The following SCD5 variants were observed in gnomAD, a reference collection of about 807,000 sequenced individuals.
SCD5 encodes stearoyl-CoA desaturase 5.
A neutral mutation model predicts 30.4 loss-of-function variants in SCD5; 20 were observed. The observed-to-expected ratio is 0.66, with a 90% CI of 0.46 to 0.96. The LOEUF (loss-of-function observed/expected upper bound fraction) is 0.96. SCD5 is among the 40% of genes least tolerant of loss of function. The pLI, the probability that SCD5 is intolerant of heterozygous loss-of-function variation, is 0.00. For synonymous variants in SCD5, 173 were observed against 176.4 expected (o/e 0.98, Z 0.16); for missense variants, 381 against 443.3 (o/e 0.86, Z 1.26).
At chr4:82,665,323 A>C (rs1415443878) in intron 3 of SCD5, among the ~76,000 whole-genome samples, 1 of 151,200 alleles carries the variant, frequency 6.6e-6, no homozygotes, top group Non-Finnish European at 1.5e-5. Context: ...AAATTAATGA[A>C]AGACAAAAAG....
At chr4:82,690,516 T>G (rs944522045) in intron 2 of SCD5, among the ~76,000 whole-genome samples, 4 of 152,238 alleles carry the variant, frequency 2.6e-5, no homozygotes, top group Non-Finnish European at 5.9e-5. Context: ...CTACCACCCT[T>G]GTTCAGGCTT....
At chr4:82,701,524 A>G (rs1352570777) in intron 2 of SCD5, among the ~76,000 whole-genome samples, 3 of 152,188 alleles carry the variant, frequency 2.0e-5, no homozygotes, top group African/African-American at 7.2e-5. Flanking sequence ...AAAAAAGACT[A>G]AACTCTATGT....
intron 2 of SCD5, among the ~76,000 whole-genome samples, chr4:82,683,163 C>T (rs762939392): frequency 6.6e-6 from 1 of 152,122 alleles, no homozygotes; most frequent in Non-Finnish European, 1.5e-5. Flanking sequence ...TTATGTATAT[C>T]AAAAATTATA....
At chr4:82,717,916 AAAAAT>A (rs534411583) in intron 1 of SCD5, among the ~76,000 whole-genome samples, 2 of 151,592 alleles carry the variant, frequency 1.3e-5, no homozygotes, top group African/African-American at 4.9e-5. Context: ...ATTCCCTCTC[AAAAAT>A]AAAATAAAAT....
At chr4:82,706,879 C>T (rs1163722008) in intron 1 of SCD5, among the ~76,000 whole-genome samples, 1 of 152,230 alleles carries the variant, frequency 6.6e-6, no homozygotes, top group Non-Finnish European at 1.5e-5. Context: ...CTTAATCTAG[C>T]TTGCACTGGA....
At chr4:82,795,725 G>A (rs577558439) in intron 1 of SCD5, among the ~76,000 whole-genome samples, 7 of 150,216 alleles carry the variant, frequency 4.7e-5, no homozygotes, top group South Asian at 2.1e-4. Context: ...GGGAGGCTGC[G>A]GTGGGAGCAT....
At chr4:82,641,648 T>C (rs1298471251) in intron 3 of SCD5, among the ~76,000 whole-genome samples, 1 of 151,924 alleles carries the variant, frequency 6.6e-6, no homozygotes, top group Non-Finnish European at 1.5e-5. Context: ...CTGGAGCAGA[T>C]GAACAAGAGG....
chr4:82,779,260 A>C (rs1439290680), intron 1 of SCD5, among the ~76,000 whole-genome samples: 1 of 151,946 alleles, frequency 6.6e-6, no homozygotes, highest in Non-Finnish European at 1.5e-5. Flanking sequence ...AGAGAAGCAG[A>C]GGAGGAGGCC....
intron 3 of SCD5, among the ~76,000 whole-genome samples, chr4:82,664,259 T>C (rs1728114266): frequency 6.6e-6 from 1 of 152,198 alleles, no homozygotes; most frequent in African/African-American, 2.4e-5. Context: ...CAGTAAAATC[T>C]AAACTCAGCT....
At chr4:82,654,658 C>T (rs1208156730) in intron 3 of SCD5, among the ~76,000 whole-genome samples, 1 of 152,128 alleles carries the variant, frequency 6.6e-6, no homozygotes, top group African/African-American at 2.4e-5. Flanking sequence ...CCAGCATGCC[C>T]GTGGGCAACA....
At chr4:82,754,229 G>A (rs1364624408) in intron 1 of SCD5, among the ~76,000 whole-genome samples, 5 of 152,152 alleles carry the variant, frequency 3.3e-5, no homozygotes, top group Admixed American at 3.3e-4. Flanking sequence ...AGAGAAAGGA[G>A]AAGGGAGAGA....
At chr4:82,789,286 A>G (rs1004213397) in intron 1 of SCD5, among the ~76,000 whole-genome samples, 4 of 152,200 alleles carry the variant, frequency 2.6e-5, no homozygotes, top group African/African-American at 7.2e-5. Flanking sequence ...GGATCCCGAC[A>G]TGTTCTAAAA....
intron 3 of SCD5, among the ~76,000 whole-genome samples, chr4:82,652,809 G>C (rs536698018): frequency 1.1e-4 from 16 of 152,216 alleles, no homozygotes; most frequent in Admixed American, 9.2e-4. Context: ...CAAAGTAAAT[G>C]TTTTGCCTAA....
chr4:82,720,441 T>TACAAAAAAAAAAAAAA lies in SCD5; in HGVS notation c.233-15029_233-15028insTTTTTTTTTTTTTTGT, dbSNP rs778480466. Among the ~76,000 whole-genome samples the TACAAAAAAAAAAAAAA allele has an allele frequency of 5.7e-3, 443 of 77,530 alleles. 14 individuals are homozygous for TACAAAAAAAAAAAAAA. The highest frequency in any genetic ancestry group is 8.5e-3 in the Middle Eastern group (1 of 118). 50.9% of individuals were successfully genotyped at this position (77,530 alleles called of 152,430 possible). A position where few individuals can be genotyped will look rare whatever the true frequency, so the allele number is the denominator to read the frequency against. Reference sequence around the variant, plus strand: ...GATGCTGTCTCAAAAAAGGCAAAAATAAAAAAAAAAAAAAAAAAAAAAGAC... The same window carrying TACAAAAAAAAAAAAAA: ...GATGCTGTCTCAAAAAAGGCAAAAATACAAAAAAAAAAAAAAAAAAAAAAAAAAAAAAAAAAAAGAC... On this transcript the variant is annotated intron_variant, in intron 1 of 4. Coordinates refer to ENST00000319540, the MANE Select transcript of SCD5 (RefSeq NM_001037582.3).
chr4:82,785,767 C>T (rs544788334), intron 1 of SCD5, among the ~76,000 whole-genome samples: 1 of 152,284 alleles, frequency 6.6e-6, no homozygotes, highest in East Asian at 1.9e-4. Context: ...AATTGCTACA[C>T]AGCCAAACAA....
intron 1 of SCD5, among the ~76,000 whole-genome samples, chr4:82,764,578 A>G (rs1049016908): frequency 6.6e-6 from 1 of 152,094 alleles, no homozygotes; most frequent in African/African-American, 2.4e-5. Flanking sequence ...ATAGTACTTC[A>G]TGTATCATAT....
intron 3 of SCD5, among the ~76,000 whole-genome samples, chr4:82,675,980 T>C (rs546783069): frequency 1.3e-5 from 2 of 152,244 alleles, no homozygotes; most frequent in Non-Finnish European, 2.9e-5. Context: ...GCATTAACCA[T>C]GAGAATACAT....
rs1349611868 is a variant in SCD5 at position 82,740,222 on chromosome 4, T to G, written c.233-34809A>C. Among the ~76,000 whole-genome samples the G allele has an allele frequency of 1.3e-5, 2 of 152,328 alleles. 1 individual carries two copies. Among genetic ancestry groups the G allele is most frequent in the Admixed American group, 1.3e-4 (2 of 15,298 alleles). The stretch of plus-strand genomic sequence containing the variant: ...TAGAGCGGAGACATGGAGGAAATAA[T>G]CAACTTGATTCCCTCTTCTGTCATT... On this transcript the variant is annotated intron_variant, in intron 1 of 4. Transcript: ENST00000319540.
chr4:82,640,817 G>A (rs750704911), intron 3 of SCD5, among the ~76,000 whole-genome samples: 1 of 152,182 alleles, frequency 6.6e-6, no homozygotes, highest in Non-Finnish European at 1.5e-5. Flanking sequence ...ACTCCACGAC[G>A]CCCTCTTGCA....
Sources: gnomAD v4.1 joint callset for allele counts (sites outside exome capture counted in the v4.1 genomes callset) on GRCh38, gnomAD v4.1.1 for gene constraint, MANE v1.5 for transcripts, NCBI Gene and HGNC (gene_info 2026-07-23, HGNC 2026-07-21) for gene names.